The following DTWD1 variants were observed in gnomAD, a reference collection of about 807,000 sequenced individuals.
DTWD1 encodes the protein DTW motif tRNA-uridine aminocarboxypropyltransferase 1, also known as tRNA-uridine aminocarboxypropyltransferase 1.
Under a neutral mutation model 30.2 loss-of-function variants are expected in DTWD1, and 27 were observed. That is an observed-to-expected ratio of 0.90 (90% confidence interval 0.66 to 1.23). The LOEUF is 1.23. DTWD1 is among the 50% of genes most tolerant of loss of function. The pLI is 0.00. For synonymous variants in DTWD1, 99 were observed against 113.1 expected (o/e 0.88, Z 0.79); for missense variants, 342 against 348.8 (o/e 0.98, Z 0.15).
rs2153354808 is a variant in DTWD1, at chr15:49,650,471, A to C, written c.*6893A>C. 1 of 152,234 alleles carries C rather than the reference A, an allele frequency of 6.6e-6. No homozygotes were observed. The highest frequency in any genetic ancestry group is 1.9e-4 in the East Asian group (1 of 5,166). 9.4% of individuals were successfully genotyped at this position (152,234 alleles called of 1,614,324 possible). A position where few individuals can be genotyped will look rare whatever the true frequency, so the allele number is the denominator to read the frequency against. ...TGGGCGAGTGGTACAGAATGACAAG[A>C]TCCTGCATGTATTTTTAAGGTAGAG... is the stretch of plus-strand genomic sequence containing the variant. On this transcript the variant is annotated 3_prime_UTR_variant, in exon 5 of 5. Transcript: ENST00000403028.
At chr15:49,624,306 G>T (rs1224616377) in intron 1 of DTWD1, among the ~76,000 whole-genome samples, 5 of 152,122 alleles carry the variant, frequency 3.3e-5, no homozygotes, top group Non-Finnish European at 7.4e-5. Context: ...TACAGCTGTG[G>T]AATGCATATC....
At chr15:49,634,843 G>C in intron 4 of DTWD1, 49 bp downstream of exon 4, 2 of 1,497,088 alleles carry the variant, frequency 1.3e-6, no homozygotes, top group Non-Finnish European at 1.8e-6. Context: ...GACTTATTTT[G>C]AAAAAACTTC....
intron 3 of DTWD1, among the ~76,000 whole-genome samples, chr15:49,633,043 CTATATCTATATATA>C (rs1259380985): frequency 7.7e-6 from 1 of 129,492 alleles, no homozygotes; most frequent in African/African-American, 2.8e-5. Flanking sequence ...CTATTTATAT[CTATATCTATATATA>C]TATATATATA....
At chr15:49,624,061 A>AG (rs1181301604) in intron 1 of DTWD1, among the ~76,000 whole-genome samples, 3 of 151,324 alleles carry the variant, frequency 2.0e-5, no homozygotes, top group African/African-American at 4.8e-5. Flanking sequence ...AAAAAAAAAA[A>AG]GAAAAAGAAA....
chr15:49,634,747 G>C lies in DTWD1; in HGVS notation c.620G>C (p.Ser207Thr). The C allele has an allele frequency of 6.2e-7, 1 of 1,605,040 alleles. No homozygotes were observed. The highest frequency in any genetic ancestry group is 8.5e-7 in the Non-Finnish European group (1 of 1,176,296). The change falls in exon 4 of 5, where the codon AGC becomes ACC. Residue 207 changes from serine (S) to threonine (T), a missense_variant. By Grantham distance (58) the Ser-to-Thr change is moderately conservative (BLOSUM62 1). Coordinates refer to ENST00000403028, the MANE Select transcript of DTWD1 (RefSeq NM_001144955.2). The stretch of plus-strand genomic sequence containing the variant: ...CTGAAAAAAATTATATTTATAGATA[G>C]CACCTGGAACCAAACAAACAAAATA... The part of the protein sequence containing the change: ...TTLKKIIFID[S>T]TWNQTNKIFT...
At chr15:49,630,985 G>A in intron 2 of DTWD1, 1 of 447,938 alleles carries the variant, frequency 2.2e-6, no homozygotes, top group South Asian at 1.6e-5. Context: ...ATCTGTCACT[G>A]TCTCCCATGT....
chr15:49,623,100 T>A (rs956988411), intron 1 of DTWD1, among the ~76,000 whole-genome samples: 2 of 152,188 alleles, frequency 1.3e-5, no homozygotes, highest in African/African-American at 4.8e-5. Flanking sequence ...TTTCATGACA[T>A]CCACAGGAAC....
chr15:49,648,327 G>A lies in DTWD1; in HGVS notation c.*4749G>A, dbSNP rs1209831715. On this transcript the variant is annotated 3_prime_UTR_variant, in exon 5 of 5. Transcript: ENST00000403028. The stretch of plus-strand genomic sequence containing the variant: ...ATTATTTATTCATTTTTGAGACAGA[G>A]TCTCACTCTTGTCTCCCAGGCTGCA... The A allele has an allele frequency of 1.3e-5, 2 of 152,176 alleles. No individual in the cohort carries two copies. Among genetic ancestry groups the A allele is most frequent in the South Asian group, 2.1e-4 (1 of 4,828 alleles). 9.4% of individuals were successfully genotyped at this position (152,176 alleles called of 1,614,324 possible).
At chr15:49,621,884 C>G (rs1307334126) in intron 1 of DTWD1, among the ~76,000 whole-genome samples, 1 of 152,096 alleles carries the variant, frequency 6.6e-6, no homozygotes, top group Non-Finnish European at 1.5e-5. Context: ...TAAAAACACT[C>G]TAAAGAAAAT....
chr15:49,651,972 TGCC>T lies in DTWD1; in HGVS notation c.*8395_*8397del, dbSNP rs2079154862. The T allele has an allele frequency of 6.6e-6, 1 of 152,092 alleles. No homozygotes were observed. Among genetic ancestry groups the T allele is most frequent in the Non-Finnish European group, 1.5e-5 (1 of 68,012 alleles). 9.4% of individuals were successfully genotyped at this position (152,092 alleles called of 1,614,324 possible). ...ATAGGCAAATTCTACAAGGATAGGATGCCATACTCCAAGATACAGAGTATGTAC... is the reference window on the plus strand; with the variant it reads ...ATAGGCAAATTCTACAAGGATAGGATATACTCCAAGATACAGAGTATGTAC... On this transcript the variant is annotated 3_prime_UTR_variant, in exon 5 of 5. Coordinates refer to ENST00000403028, the MANE Select transcript of DTWD1 (RefSeq NM_001144955.2).
rs1470379847 is a variant in DTWD1 at position 49,654,216 on chromosome 15, C to T, written c.*10638C>T. The T allele has an allele frequency of 1.3e-5, 2 of 152,066 alleles. No homozygotes were observed. Among genetic ancestry groups the T allele is most frequent in the Non-Finnish European group, 2.9e-5 (2 of 68,008 alleles). 9.4% of individuals were successfully genotyped at this position (152,066 alleles called of 1,614,324 possible). ...TAGATGATAAGATTCTGAACTTAAA[C>T]TTATGCCATAATGGAGTGAGACTCT... On this transcript the variant is annotated 3_prime_UTR_variant, in exon 5 of 5. Coordinates refer to ENST00000403028, the MANE Select transcript of DTWD1 (RefSeq NM_001144955.2).
Position 49,652,183 on chromosome 15 carries a change from G to A in DTWD1, c.*8605G>A, listed in dbSNP as rs987490701. The A allele has an allele frequency of 6.6e-6, 1 of 152,108 alleles. No individual in the cohort carries two copies. The highest frequency in any genetic ancestry group is 2.4e-5 in the African/African-American group (1 of 41,448). 9.4% of individuals were successfully genotyped at this position (152,108 alleles called of 1,614,324 possible). ...TTCATAACTCTGAACTCTGCAGTGA[G>A]AGGTCTTGGTCCCACAAGGGGACAC... On this transcript the variant is annotated 3_prime_UTR_variant, in exon 5 of 5. Coordinates refer to ENST00000403028, the MANE Select transcript of DTWD1 (RefSeq NM_001144955.2).
intron 4 of DTWD1, among the ~76,000 whole-genome samples, chr15:49,638,656 C>T (rs1217337734): frequency 1.3e-5 from 2 of 152,182 alleles, no homozygotes; most frequent in Non-Finnish European, 2.9e-5. Context: ...CAAACTGAGT[C>T]TATACCTCAA....
At chr15:49,626,998 A>C (rs376277457) in intron 2 of DTWD1, 122 of 209,900 alleles carry the variant, frequency 5.8e-4, no homozygotes, top group South Asian at 5.0e-3. Context: ...TTTCTCTCAT[A>C]GCCATGTAAA....
chr15:49,634,491 G>T, intron 3 of DTWD1, 45 bp from the exon 4 acceptor site: 4 of 1,504,160 alleles, frequency 2.7e-6, no homozygotes, highest in South Asian at 1.4e-5. Context: ...TATATATTTT[G>T]AAGATCATAG....
At chr15:49,623,210 ACT>A (rs2078792107) in intron 1 of DTWD1, among the ~76,000 whole-genome samples, 1 of 152,270 alleles carries the variant, frequency 6.6e-6, no homozygotes, top group Admixed American at 6.5e-5. Flanking sequence ...AGGTTGAGCT[ACT>A]CCAATCAAAT....
At chr15:49,622,688 AT>A (rs2078772541) in intron 1 of DTWD1, among the ~76,000 whole-genome samples, 1 of 152,120 alleles carries the variant, frequency 6.6e-6, no homozygotes, top group Non-Finnish European at 1.5e-5. Flanking sequence ...ATTTGCAATG[AT>A]TTTCTCACAG....
In DTWD1 at chr15:49,647,585, A is replaced by G. The variant is rs1276289459; in HGVS notation, c.*4007A>G. 1.3e-5 allele frequency: 2 copies of G among 152,170 alleles called. No individual in the cohort carries two copies. The highest frequency in any genetic ancestry group is 2.9e-5 in the Non-Finnish European group (2 of 68,014). The allele number at this position is 152,170 out of a possible 1,614,324, so 9.4% of individuals were successfully genotyped here. On this transcript the variant is annotated 3_prime_UTR_variant, in exon 5 of 5. Coordinates refer to ENST00000403028, the MANE Select transcript of DTWD1 (RefSeq NM_001144955.2). ...TTCCATGTTACTGGAAGCATTAATT[A>G]TAGCAACTTTTTATCTCCAAATACT...
intron 2 of DTWD1, among the ~76,000 whole-genome samples, chr15:49,625,766 A>T (rs1348683755): frequency 6.6e-6 from 1 of 152,144 alleles, no homozygotes. Context: ...CTAAGACTTA[A>T]AATTTTCCAA....
Sources: allele counts gnomAD v4.1 joint callset (sites outside exome capture counted in the v4.1 genomes callset), GRCh38; gene constraint gnomAD v4.1.1; transcripts MANE v1.5; gene names NCBI Gene and HGNC (gene_info 2026-07-23, HGNC 2026-07-21).